Variants in CFAP52 observed in about 807,000 individuals in gnomAD.
CFAP52 encodes cilia and flagella associated protein 52, also known as cilia- and flagella-associated protein 52.
CFAP52 carries 57 observed loss-of-function variants against 70.5 expected under a neutral mutation model. The observed-to-expected ratio is 0.81, with a 90% confidence interval of 0.65 to 1.01. The LOEUF is 1.01. CFAP52 is among the 50% of genes least tolerant of loss of function. The pLI is 0.00. For missense variants in CFAP52, 785 were observed against 788.5 expected (o/e 1.00, Z 0.05); for synonymous variants, 267 against 292.5 (o/e 0.91, Z 0.89).
intron 13 of CFAP52, among the ~76,000 whole-genome samples, chr17:9,642,608 A>G (rs1372903101): frequency 6.6e-6 from 1 of 152,236 alleles, no homozygotes; most frequent in East Asian, 1.9e-4. Flanking sequence ...TGAGTGACAG[A>G]CAGTCCGTCT....
chr17:9,597,974 C>A (rs893875702), intron 4 of CFAP52, among the ~76,000 whole-genome samples: 1 of 152,100 alleles, frequency 6.6e-6, no homozygotes, highest in Non-Finnish European at 1.5e-5. Context: ...GGGTAGTGTG[C>A]ACTTCAGAGT....
At chr17:9,633,642 C>CGAGGATCGT (rs1910648987) in intron 10 of CFAP52, among the ~76,000 whole-genome samples, 1 of 151,564 alleles carries the variant, frequency 6.6e-6, no homozygotes, top group South Asian at 2.1e-4. Context: ...TCTTTTCCTC[C>CGAGGATCGT]GAGGATCGTG....
intron 9 of CFAP52, among the ~76,000 whole-genome samples, chr17:9,629,474 C>T (rs1198761213): frequency 6.7e-6 from 1 of 148,754 alleles, no homozygotes; most frequent in East Asian, 2.0e-4. Flanking sequence ...TCTTTCTTTC[C>T]CTTTCTTTCT....
chr17:9,644,731 A>G (rs1911243768), downstream of CFAP52: 1 of 152,046 alleles, frequency 6.6e-6, no homozygotes, highest in Non-Finnish European at 1.5e-5. Flanking sequence ...AGAGCCTGAA[A>G]ACTTCCTGGT....
intron 3 of CFAP52, among the ~76,000 whole-genome samples, chr17:9,590,801 A>T (rs1405855525): frequency 6.6e-6 from 1 of 151,756 alleles, no homozygotes; most frequent in East Asian, 2.0e-4. Context: ...AACCAAAAGA[A>T]AGAAAGGAAA....
chr17:9,612,716 G>T (rs992718930), intron 8 of CFAP52, among the ~76,000 whole-genome samples: 9 of 152,222 alleles, frequency 5.9e-5, no homozygotes, highest in Non-Finnish European at 1.0e-4. Flanking sequence ...AACCCCTCAT[G>T]GAAAGGGTAA....
Position 9,586,868 on chromosome 17 carries a change from A to T in CFAP52, c.407+34A>T, listed in dbSNP as rs533663008. 1.1e-5 allele frequency: 17 copies of T among 1,550,512 alleles called. No homozygotes were observed. The Middle Eastern group carries it at 7.0e-4, about 64-fold the overall frequency. The stretch of plus-strand genomic sequence containing the variant: ...CTAAACATAGTTACTTATTTTCTTT[A>T]TTTTTTTTAACTTTTATTTCAGGTT... On this transcript the variant is annotated intron_variant, in intron 3 of 13. Coordinates refer to ENST00000352665, the MANE Select transcript of CFAP52 (RefSeq NM_145054.5).
chr17:9,628,436 T>C (rs1910320094), intron 8 of CFAP52, among the ~76,000 whole-genome samples: 1 of 151,940 alleles, frequency 6.6e-6, no homozygotes, highest in African/African-American at 2.4e-5. Context: ...TGCACCACCA[T>C]ACCCGGCTAA....
intron 10 of CFAP52, among the ~76,000 whole-genome samples, chr17:9,633,807 G>T (rs561047429): frequency 2.6e-5 from 4 of 151,894 alleles, no homozygotes; most frequent in Admixed American, 2.6e-4. Flanking sequence ...CTCCTGAGTA[G>T]CTGGGACTAC....
intron 6 of CFAP52, among the ~76,000 whole-genome samples, chr17:9,603,555 A>G (rs946596961): frequency 8.5e-5 from 13 of 152,196 alleles, no homozygotes; most frequent in African/African-American, 2.9e-4. Context: ...CAGTATTGTC[A>G]CGATATGAGT....
rs145482024 is a variant in CFAP52, at chr17:9,623,445, G to T, written c.1026-5227G>T. 2.8e-3 allele frequency among the ~76,000 whole-genome samples: 418 copies of T among 151,928 alleles called. 1 individual carries two copies. The highest frequency in any genetic ancestry group is 9.8e-3 in the African/African-American group (404 of 41,430). Reference sequence around the variant, plus strand: ...ATTTAATATAATCTTTCATATGTTTGTATTAAATCTTTATACAAACTCCAT... The same window carrying T: ...ATTTAATATAATCTTTCATATGTTTTTATTAAATCTTTATACAAACTCCAT... On this transcript the variant is annotated intron_variant, in intron 8 of 13. Coordinates refer to ENST00000352665, the MANE Select transcript of CFAP52 (RefSeq NM_145054.5).
chr17:9,631,012 A>AAGAGAGAGAGAGAGAGAG (rs1910466888), intron 9 of CFAP52, among the ~76,000 whole-genome samples: 1 of 53,308 alleles, frequency 1.9e-5, no homozygotes, highest in African/African-American at 1.2e-4. Flanking sequence ...GAAAGAAAGA[A>AAGAGAGAGAGAGAGAGAG]AGAAAGAAAG....
chr17:9,603,854 C>T (rs1227298204), intron 6 of CFAP52, among the ~76,000 whole-genome samples: 1 of 152,026 alleles, frequency 6.6e-6, no homozygotes, highest in African/African-American at 2.4e-5. Context: ...AAAGAAAGCA[C>T]AATATTGAAG....
At chr17:9,637,651 T>A (rs548974371) in intron 11 of CFAP52, among the ~76,000 whole-genome samples, 1 of 152,376 alleles carries the variant, frequency 6.6e-6, no homozygotes, top group South Asian at 2.1e-4. Flanking sequence ...CTTGGCTCAC[T>A]GCAGCCTCTG....
At chr17:9,577,524 C>A (rs771305232) in intron 1 of CFAP52, among the ~76,000 whole-genome samples, 1 of 152,090 alleles carries the variant, frequency 6.6e-6, no homozygotes, top group Non-Finnish European at 1.5e-5. Context: ...TTAGGAGAAG[C>A]AAAACTTTTC....
chr17:9,637,411 C>T (rs868087605), intron 11 of CFAP52, among the ~76,000 whole-genome samples: 1 of 152,210 alleles, frequency 6.6e-6, no homozygotes, highest in Non-Finnish European at 1.5e-5. Flanking sequence ...TCAGATACCA[C>T]GTTTGAAAAC....
rs76110934 is a variant in CFAP52, at chr17:9,640,558, C to T, written c.1576-1166C>T. On this transcript the variant is annotated intron_variant, in intron 12 of 13. Transcript: ENST00000352665. The stretch of plus-strand genomic sequence containing the variant: ...ATGGCTCCCAACTCCATCCATGTCC[C>T]GGCAAAGGACATGATCTTGTTCCTT... Among the ~76,000 whole-genome samples the T allele has an allele frequency of 3.1e-3, 469 of 152,216 alleles. 5 individuals carry two copies. Among genetic ancestry groups the T allele is most frequent in the Middle Eastern group, 0.01 (3 of 294 alleles).
At chr17:9,584,508 A>T in intron 1 of CFAP52, 1 of 437,998 alleles carries the variant, frequency 2.3e-6, no homozygotes, top group East Asian at 1.2e-4. Flanking sequence ...TTGTGAAATG[A>T]TGTCTACGAT....
intron 6 of CFAP52, among the ~76,000 whole-genome samples, chr17:9,604,806 A>AAAT (rs1909419622): frequency 6.7e-6 from 1 of 148,510 alleles, no homozygotes; most frequent in Non-Finnish European, 1.5e-5. Context: ...AATAAATAAA[A>AAAT]GAAGATATAC....
Sources: gnomAD v4.1 joint callset for allele counts (sites outside exome capture counted in the v4.1 genomes callset) on GRCh38, gnomAD v4.1.1 for gene constraint, MANE v1.5 for transcripts, NCBI Gene and HGNC (gene_info 2026-07-23, HGNC 2026-07-21) for gene names.